Variants in DKK2 observed in about 807,000 individuals in gnomAD.
DKK2 encodes the protein dickkopf Wnt signaling pathway inhibitor 2.
DKK2 carries 11 observed loss-of-function variants against 28.1 expected under a neutral mutation model. The observed-to-expected ratio is 0.39, with a 90% CI of 0.25 to 0.65. The LOEUF (loss-of-function observed/expected upper bound fraction) is 0.65. Among genes scored for constraint, DKK2 ranks in the 30% least tolerant of loss-of-function variants. The probability of loss-of-function intolerance (pLI) is 0.47; values close to 1 mark genes in which losing one functional copy is unlikely to be tolerated. For missense variants in DKK2, 326 were observed against 335.5 expected, an observed-to-expected ratio of 0.97 and a Z score of 0.22; for synonymous variants, 135 against 126.5, an observed-to-expected ratio of 1.07 and a Z score of -0.45.
At chr4:106,993,885 G>C (rs890571528) in intron 1 of DKK2, among the ~76,000 whole-genome samples, 1 of 152,124 alleles carries the variant, frequency 6.6e-6, no homozygotes, top group African/African-American at 2.4e-5. Context: ...TGTCTGGGCA[G>C]GGAGAAAATT....
At chr4:107,006,666 C>T (rs974982134) in intron 1 of DKK2, among the ~76,000 whole-genome samples, 1 of 152,182 alleles carries the variant, frequency 6.6e-6, no homozygotes, top group African/African-American at 2.4e-5. Flanking sequence ...CTTCCCCACA[C>T]CCACACTGCA....
intron 1 of DKK2, among the ~76,000 whole-genome samples, chr4:106,960,248 A>G (rs1488174984): frequency 1.3e-5 from 2 of 151,890 alleles, no homozygotes; most frequent in African/African-American, 4.8e-5. Flanking sequence ...GCCATAAAAA[A>G]GAACGAAATA....
At chr4:106,963,151 G>A (rs1428576503) in intron 1 of DKK2, among the ~76,000 whole-genome samples, 2 of 151,786 alleles carry the variant, frequency 1.3e-5, no homozygotes, top group Non-Finnish European at 2.9e-5. Flanking sequence ...TCAGGAGTTC[G>A]AGACCAGCCT....
In DKK2 at chr4:106,979,574, C is replaced by T. The variant is rs140869985; in HGVS notation, c.223-53625G>A. On this transcript the variant is annotated intron_variant, in intron 1 of 3. Coordinates refer to ENST00000285311, the MANE Select transcript of DKK2 (RefSeq NM_014421.3). ...TTTGGAGGGAAAAACAGCAAGGTAT[C>T]CTCCTGTGTACCATAAATAGGCTAC... is the stretch of plus-strand genomic sequence containing the variant. Among the ~76,000 whole-genome samples the T allele has an allele frequency of 8.2e-3, 1,245 of 152,040 alleles. 10 individuals are homozygous for T. Among genetic ancestry groups the T allele is most frequent in the African/African-American group, 0.027 (1,118 of 41,448 alleles).
In DKK2 at chr4:107,018,076, G is replaced by A. The variant is rs556491503; in HGVS notation, c.222+17294C>T. Among the ~76,000 whole-genome samples the A allele has an allele frequency of 2.6e-5, 4 of 152,112 alleles. No individual in the cohort carries two copies. The East Asian group carries it at 5.8e-4, about 22-fold the overall frequency. On this transcript the variant is annotated intron_variant, in intron 1 of 3. Transcript: ENST00000285311. ...TAAAAGAGGAAATCAAAATCAAAAC[G>A]TTGGCCCAGACTCTTAGAACACACC...
chr4:107,031,267 T>C (rs1311199121), intron 1 of DKK2, among the ~76,000 whole-genome samples: 2 of 151,942 alleles, frequency 1.3e-5, no homozygotes, highest in Non-Finnish European at 2.9e-5. Flanking sequence ...TATTTACTCC[T>C]AAGCAGGAGA....
chr4:106,982,119 A>T (rs915013526), intron 1 of DKK2, among the ~76,000 whole-genome samples: 3 of 152,218 alleles, frequency 2.0e-5, no homozygotes, highest in African/African-American at 4.8e-5. Flanking sequence ...TGACAAGGAT[A>T]AAAATTTATG....
chr4:107,014,697 AATGCCC>A (rs1723566360), intron 1 of DKK2, among the ~76,000 whole-genome samples: 1 of 151,612 alleles, frequency 6.6e-6, no homozygotes. Context: ...GGATATGCTA[AATGCCC>A]TGATTTGATC....
intron 1 of DKK2, among the ~76,000 whole-genome samples, chr4:106,992,690 G>A (rs530512324): frequency 1.3e-5 from 2 of 152,294 alleles, no homozygotes; most frequent in African/African-American, 4.8e-5. Flanking sequence ...TATTTAAATA[G>A]AGAAATCTCA....
intron 1 of DKK2, among the ~76,000 whole-genome samples, chr4:106,965,179 T>A (rs1722753469): frequency 6.6e-6 from 1 of 152,132 alleles, no homozygotes; most frequent in Non-Finnish European, 1.5e-5. Flanking sequence ...GTCTTATAAA[T>A]TTTGTTTCTT....
chr4:106,999,332 C>A (rs559048571), intron 1 of DKK2, among the ~76,000 whole-genome samples: 2 of 152,224 alleles, frequency 1.3e-5, no homozygotes, highest in East Asian at 3.9e-4. Flanking sequence ...TGTGCATATA[C>A]CAACACATAT....
At chr4:106,988,966 G>T (rs2110361035) in intron 1 of DKK2, among the ~76,000 whole-genome samples, 1 of 152,266 alleles carries the variant, frequency 6.6e-6, no homozygotes, top group South Asian at 2.1e-4. Flanking sequence ...GACAAGGTTG[G>T]GGTTGAAGCT....
At chr4:106,977,920 T>A (rs1722969569) in intron 1 of DKK2, among the ~76,000 whole-genome samples, 1 of 152,214 alleles carries the variant, frequency 6.6e-6, no homozygotes, top group Non-Finnish European at 1.5e-5. Context: ...GATGGGGTTT[T>A]TGTGTGGCTG....
At chr4:107,020,777 G>C (rs1172770943) in intron 1 of DKK2, among the ~76,000 whole-genome samples, 1 of 151,988 alleles carries the variant, frequency 6.6e-6, no homozygotes, top group African/African-American at 2.4e-5. Flanking sequence ...GTGTGTGTGT[G>C]TGTCTCTGTG....
At chr4:106,961,586 C>A (rs1030037756) in intron 1 of DKK2, among the ~76,000 whole-genome samples, 1 of 151,966 alleles carries the variant, frequency 6.6e-6, no homozygotes, top group Non-Finnish European at 1.5e-5. Context: ...CACACACACA[C>A]ACACACACAC....
chr4:107,034,507 T>C (rs1458275518), intron 1 of DKK2, among the ~76,000 whole-genome samples: 1 of 152,122 alleles, frequency 6.6e-6, no homozygotes, highest in Non-Finnish European at 1.5e-5. Context: ...TGTATAACAG[T>C]TTGCAAGTGG....
rs1220192336 is a variant in DKK2 at position 106,921,863 on chromosome 4, A to G, written c.*2091T>C. The G allele has an allele frequency of 6.6e-6, 1 of 152,614 alleles. No homozygotes were observed. Among genetic ancestry groups the G allele is most frequent in the Non-Finnish European group, 1.5e-5 (1 of 68,030 alleles). The allele number at this position is 152,614 out of a possible 1,614,324, so 9.5% of individuals were successfully genotyped here. On this transcript the variant is annotated 3_prime_UTR_variant, in exon 4 of 4. Coordinates refer to ENST00000285311, the MANE Select transcript of DKK2 (RefSeq NM_014421.3). ...TCTTATTATACATTTTTCCTAAATT[A>G]CAAAGTCAATAGCTGCAAATATATT... is the stretch of plus-strand genomic sequence containing the variant.
intron 2 of DKK2, among the ~76,000 whole-genome samples, chr4:106,925,531 T>G (rs1485141230): frequency 6.6e-6 from 1 of 152,228 alleles, no homozygotes; most frequent in African/African-American, 2.4e-5. Flanking sequence ...ATGTGTTTAC[T>G]GAAATAGAAC....
At position 106,924,032 on chromosome 4, in the gene DKK2, C is replaced by T. The variant is rs61757610; in HGVS notation, c.702G>A (p.Ala234=). 3.1e-5 allele frequency: 50 copies of T among 1,613,840 alleles called. No homozygotes were observed. Among genetic ancestry groups the T allele is most frequent in the Non-Finnish European group, 4.1e-5 (48 of 1,179,938 alleles). Residue 234 remains alanine, a synonymous_variant, in exon 4 of 4, where the codon GCG becomes GCA. Coordinates refer to ENST00000285311, the MANE Select transcript of DKK2 (RefSeq NM_014421.3). ...GLEIFQRCDC[A]KGLSCKVWKD... ...TCCATACTTTGCAAGACAGGCCCTT[C>T]GCACAGTCGCAACGCTGGAAAATTT...
Sources: allele counts gnomAD v4.1 joint callset (sites outside exome capture counted in the v4.1 genomes callset), GRCh38; gene constraint gnomAD v4.1.1; transcripts MANE v1.5; gene names NCBI Gene and HGNC (gene_info 2026-07-23, HGNC 2026-07-21).